The following TMEM41B variants were observed in gnomAD, a reference collection of about 807,000 sequenced individuals.
TMEM41B encodes transmembrane protein 41B.
A neutral mutation model predicts 31.9 loss-of-function variants in TMEM41B; 18 were observed. The observed-to-expected ratio is 0.56, with a 90% CI of 0.39 to 0.84. The LOEUF (loss-of-function observed/expected upper bound fraction) is 0.84, where lower values mean the gene tolerates loss of function less well. Among genes scored for constraint, TMEM41B ranks in the 40% least tolerant of loss-of-function variants. The pLI, the probability that TMEM41B is intolerant of heterozygous loss-of-function variation, is 0.00. For missense variants in TMEM41B, 322 were observed against 348.0 expected, an observed-to-expected ratio of 0.93 and a Z score of 0.59; for synonymous variants, 144 against 124.3, an observed-to-expected ratio of 1.16 and a Z score of -1.05.
chr11:9,287,498 G>A (rs1367303412), intron 5 of TMEM41B, among the ~76,000 whole-genome samples: 2 of 152,112 alleles, frequency 1.3e-5, no homozygotes, highest in Non-Finnish European at 2.9e-5. Flanking sequence ...TCACAGGTCT[G>A]AAACATTTGT....
intron 1 of TMEM41B, among the ~76,000 whole-genome samples, chr11:9,312,163 C>A (rs1853575620): frequency 6.6e-6 from 1 of 152,208 alleles, no homozygotes; most frequent in Admixed American, 6.5e-5. Context: ...CACTAACCTT[C>A]AACCCTACTA....
rs1172213605 is a variant in TMEM41B at position 9,310,027 on chromosome 11, G to GTAT, written c.121+4291_121+4293dup. 3.0e-3 allele frequency among the ~76,000 whole-genome samples: 446 copies of GTAT among 150,624 alleles called. 5 individuals are homozygous for GTAT. The highest frequency in any genetic ancestry group is 0.01 in the African/African-American group (419 of 40,934). ...CTTTTTTGATTGTGTTCCAAGTAAT[G>GTAT]TATTATTATTATTATTATTTTTTTT... On this transcript the variant is annotated intron_variant, in intron 1 of 6. Coordinates refer to ENST00000528080, the MANE Select transcript of TMEM41B (RefSeq NM_015012.4).
intron 1 of TMEM41B, 75 bp downstream of exon 1, chr11:9,314,246 A>C (rs1853633996): frequency 6.8e-7 from 1 of 1,471,440 alleles, no homozygotes; most frequent in Admixed American, 2.3e-5. Context: ...CTCCGAGAAT[A>C]GCGGGGGTCC....
chr11:9,294,119 T>C (rs564488778), intron 3 of TMEM41B, among the ~76,000 whole-genome samples: 585 of 138,126 alleles, frequency 4.2e-3, no homozygotes, highest in Non-Finnish European at 6.6e-3. Context: ...AGGCTGAGGC[T>C]GCAGTGAGCC....
chr11:9,313,981 T>C (rs1388856935), intron 1 of TMEM41B, among the ~76,000 whole-genome samples: 1 of 152,208 alleles, frequency 6.6e-6, no homozygotes, highest in Non-Finnish European at 1.5e-5. Context: ...TTTCTTCATC[T>C]GTAAAAACAA....
chr11:9,303,172 A>G (rs944168947), intron 1 of TMEM41B, among the ~76,000 whole-genome samples: 3 of 151,862 alleles, frequency 2.0e-5, no homozygotes, highest in Non-Finnish European at 2.9e-5. Context: ...ATGTGCCACC[A>G]CACTGGCTAA....
intron 6 of TMEM41B, among the ~76,000 whole-genome samples, chr11:9,285,089 T>C (rs1852806582): frequency 1.8e-5 from 1 of 55,334 alleles, no homozygotes. Flanking sequence ...TCCTTCTTTC[T>C]TTTTTTTTTT....
At chr11:9,288,672 G>A (rs1852889523) in intron 3 of TMEM41B, 137 bp from the exon 4 acceptor site, 1 of 576,784 alleles carries the variant, frequency 1.7e-6, no homozygotes, top group South Asian at 3.0e-5. Context: ...CCTCTAAGTT[G>A]ACCATTTACT....
At chr11:9,287,873 T>A in intron 4 of TMEM41B, 67 bp from the exon 5 acceptor site, 1 of 1,158,944 alleles carries the variant, frequency 8.6e-7, no homozygotes, top group Admixed American at 2.2e-5. Flanking sequence ...TTTATTCACC[T>A]GAGTAAAAAG....
At position 9,291,179 on chromosome 11, in the gene TMEM41B, T is replaced by C. The variant is rs1336920890; in HGVS notation, c.369-2644A>G. Among the ~76,000 whole-genome samples the C allele has an allele frequency of 3.3e-5, 5 of 151,934 alleles. No homozygotes were observed. In the East Asian group the frequency reaches 9.7e-4, roughly 30 times the overall value. ...CTCATACCTGTAAATCCCAACACTTTGGGAGGCCAAGGCAGGTGGATCATG... is the reference window on the plus strand; with the variant it reads ...CTCATACCTGTAAATCCCAACACTTCGGGAGGCCAAGGCAGGTGGATCATG... On this transcript the variant is annotated intron_variant, in intron 3 of 6. Coordinates refer to ENST00000528080, the MANE Select transcript of TMEM41B (RefSeq NM_015012.4).
At position 9,299,591 on chromosome 11, in the gene TMEM41B, G is replaced by A; in HGVS notation, c.232C>T (p.Leu78Phe). ...ATCTCTCAGTATACTTACTCACTAA[G>A]CTGAGGAAAATTTTTATATACCAAA... is the stretch of plus-strand genomic sequence containing the variant. Reference protein sequence around the residue: ...MFLVYKNFPQLSEEERVNMKV... With the variant: ...MFLVYKNFPQFSEEERVNMKV... Residue 78 changes from leucine to phenylalanine, a missense_variant, in exon 2 of 7, where the codon CTT (leucine) becomes TTT (phenylalanine). Physicochemically the swap from Leu to Phe is conservative, Grantham distance 22 (BLOSUM62 0). Around this residue, in one of 3 missense-constraint regions of TMEM41B, gnomAD observed 183 missense variants for 175.3 expected, o/e 1.04. Transcript: ENST00000528080. The A allele has an allele frequency of 6.3e-7, 1 of 1,596,928 alleles. No homozygotes were observed. The highest frequency in any genetic ancestry group is 1.1e-5 in the South Asian group (1 of 90,214).
chr11:9,311,230 T>C (rs374972328), intron 1 of TMEM41B: 6 of 1,472,682 alleles, frequency 4.1e-6, no homozygotes, highest in Admixed American at 3.6e-5. Context: ...TGAAGCTTGA[T>C]AGGAGAGCAG....
At chr11:9,309,173 G>C (rs137999903) in intron 1 of TMEM41B, among the ~76,000 whole-genome samples, 1 of 152,040 alleles carries the variant, frequency 6.6e-6, no homozygotes, top group Non-Finnish European at 1.5e-5. Flanking sequence ...TTGAATCTGG[G>C]AGGTGGAGGT....
At chr11:9,295,133 T>C in intron 3 of TMEM41B, 126 bp downstream of exon 3, 3 of 1,095,002 alleles carry the variant, frequency 2.7e-6, no homozygotes, top group Non-Finnish European at 2.4e-6. Context: ...ATTTTTCAAT[T>C]ATTTAATATT....
intron 2 of TMEM41B, 89 bp downstream of exon 2, chr11:9,299,495 T>G: frequency 1.1e-6 from 1 of 883,966 alleles, no homozygotes; most frequent in Non-Finnish European, 1.8e-6. Context: ...AGTGTTGAGA[T>G]TACAGGCATC....
chr11:9,294,361 G>A (rs557764742), intron 3 of TMEM41B, among the ~76,000 whole-genome samples: 67 of 151,788 alleles, frequency 4.4e-4, no homozygotes, highest in South Asian at 1.2e-3. Context: ...CAAGTATGGC[G>A]GCAGGCGCCT....
chr11:9,299,282 C>CAAAA (rs1180036082), intron 2 of TMEM41B, among the ~76,000 whole-genome samples: 1,202 of 41,338 alleles, frequency 0.029, 120 homozygotes, highest in Middle Eastern at 0.071. Flanking sequence ...GACTCTGTCT[C>CAAAA]AAAAAAAAAA....
At chr11:9,283,787 ATT>A (rs373365005) in intron 6 of TMEM41B, among the ~76,000 whole-genome samples, 194 bp from the exon 7 acceptor site, 2 of 146,226 alleles carry the variant, frequency 1.4e-5, no homozygotes, top group African/African-American at 2.5e-5. Context: ...AAGGATAATG[ATT>A]TTTTTTTTTT....
At chr11:9,301,260 T>C (rs1291712305) in intron 1 of TMEM41B, among the ~76,000 whole-genome samples, 1 of 151,840 alleles carries the variant, frequency 6.6e-6, no homozygotes, top group East Asian at 2.0e-4. Context: ...CTGGGCATGG[T>C]GGTGGGCGCC....
Sources: gnomAD v4.1 joint callset for allele counts (sites outside exome capture counted in the v4.1 genomes callset) on GRCh38, gnomAD v4.1.1 for gene constraint, gnomAD v4.1.1 regional missense constraint, MANE v1.5 for transcripts, NCBI Gene and HGNC (gene_info 2026-07-23, HGNC 2026-07-21) for gene names.